Variants in FILIP1 observed in about 807,000 individuals in gnomAD.
The protein encoded by FILIP1 is filamin-A-interacting protein 1.
In FILIP1, 61 loss-of-function variants were observed where a neutral mutation model predicts 102.1. The ratio of observed to expected loss-of-function variants is 0.60; its 90% CI spans 0.49 to 0.74. The LOEUF is 0.74. FILIP1 is among the 30% of genes least tolerant of loss of function. FILIP1 has a pLI of 0.00. For synonymous variants in FILIP1, 491 were observed against 526.9 expected (o/e 0.93, Z 0.93); for missense variants, 1,314 against 1,441.2 (o/e 0.91, Z 1.43).
intron 1 of FILIP1, among the ~76,000 whole-genome samples, chr6:75,433,499 C>T (rs1777899131): frequency 6.6e-6 from 1 of 152,088 alleles, no homozygotes; most frequent in Non-Finnish European, 1.5e-5. Context: ...CTGTTCATAT[C>T]CTTTGCCCAC....
intron 2 of FILIP1, among the ~76,000 whole-genome samples, chr6:75,392,799 G>C (rs918367351): frequency 1.3e-5 from 2 of 152,114 alleles, no homozygotes; most frequent in African/African-American, 4.8e-5. Flanking sequence ...TCATGATAGT[G>C]AATGGGTCTC....
chr6:75,345,524 C>A (rs117270309), intron 4 of FILIP1, among the ~76,000 whole-genome samples: 1 of 151,668 alleles, frequency 6.6e-6, no homozygotes, highest in Admixed American at 6.6e-5. Context: ...GCCAGCCTCA[C>A]GTACAGTAAG....
At chr6:75,334,044 A>C (rs1774162836) in intron 4 of FILIP1, among the ~76,000 whole-genome samples, 1 of 152,104 alleles carries the variant, frequency 6.6e-6, no homozygotes, top group African/African-American at 2.4e-5. Context: ...ATGCAAAGAG[A>C]GAGCTGCAGA....
chr6:75,478,476 G>T (rs1779552610), intron 1 of FILIP1, among the ~76,000 whole-genome samples: 3 of 152,180 alleles, frequency 2.0e-5, no homozygotes, highest in Admixed American at 2.0e-4. Context: ...GTGAGCATCA[G>T]CCTCTCTCCA....
At chr6:75,430,315 G>A (rs960715991) in intron 1 of FILIP1, among the ~76,000 whole-genome samples, 10 of 152,120 alleles carry the variant, frequency 6.6e-5, no homozygotes, top group Non-Finnish European at 1.3e-4. Context: ...CTTTATAGCA[G>A]TGTGAGAAAA....
intron 2 of FILIP1, among the ~76,000 whole-genome samples, chr6:75,390,589 A>T (rs1257300921): frequency 1.3e-5 from 2 of 152,106 alleles, no homozygotes; most frequent in Non-Finnish European, 2.9e-5. Flanking sequence ...TTTTTAAATG[A>T]CCAGATCTCA....
At chr6:75,324,547 T>A (rs4340970) in intron 4 of FILIP1, among the ~76,000 whole-genome samples, 3 of 152,118 alleles carry the variant, frequency 2.0e-5, no homozygotes, top group African/African-American at 4.8e-5. Flanking sequence ...GCATTTCCCA[T>A]CAAAATGTCA....
rs1023284978 is a variant in FILIP1, at chr6:75,354,941, A to G, written c.451-1224T>C. 2.5e-4 allele frequency among the ~76,000 whole-genome samples: 38 copies of G among 152,314 alleles called. No homozygotes were observed. The South Asian group carries it at 3.5e-3, about 14-fold the overall frequency. ...TCCTCTTTTTTTCAAGAGATGCTAA[A>G]TATAGGGAGGATTTCAGAACTTGTA... On this transcript the variant is annotated intron_variant, in intron 3 of 5. Coordinates refer to ENST00000237172, the MANE Select transcript of FILIP1 (RefSeq NM_015687.5).
At chr6:75,468,369 T>C (rs1364270784) in intron 1 of FILIP1, among the ~76,000 whole-genome samples, 1 of 152,212 alleles carries the variant, frequency 6.6e-6, no homozygotes, top group Non-Finnish European at 1.5e-5. Flanking sequence ...ATTAATAATG[T>C]CAGAAAAGGA....
chr6:75,307,340 G>T (rs1773018394), downstream of FILIP1, among the ~76,000 whole-genome samples: 1 of 152,094 alleles, frequency 6.6e-6, no homozygotes, highest in South Asian at 2.1e-4. Flanking sequence ...TTTTTTTAAA[G>T]AAGTATGCTT....
At chr6:75,297,764 T>C (rs1478811826) in intron 6 of FILIP1, among the ~76,000 whole-genome samples, 2 of 152,128 alleles carry the variant, frequency 1.3e-5, no homozygotes, top group African/African-American at 4.8e-5. Context: ...AAGACCCAAG[T>C]CTCAAATCTC....
chr6:75,377,198 T>C (rs539047698), intron 2 of FILIP1, among the ~76,000 whole-genome samples: 2 of 152,170 alleles, frequency 1.3e-5, no homozygotes, highest in Non-Finnish European at 2.9e-5. Flanking sequence ...ATATTCCCAT[T>C]GAGTTCCTAC....
chr6:75,344,910 T>G (rs4498313), intron 4 of FILIP1, among the ~76,000 whole-genome samples: 1 of 152,078 alleles, frequency 6.6e-6, no homozygotes, highest in African/African-American at 2.4e-5. Context: ...CAGAGCAAGA[T>G]GCCAACTCTA....
chr6:75,383,754 CA>C (rs1210923473), intron 2 of FILIP1, among the ~76,000 whole-genome samples: 1 of 152,166 alleles, frequency 6.6e-6, no homozygotes, highest in Non-Finnish European at 1.5e-5. Context: ...ATAACCTTAT[CA>C]GATAGACACT....
At chr6:75,318,346 C>T (rs575964228) in intron 4 of FILIP1, among the ~76,000 whole-genome samples, 15 of 148,792 alleles carry the variant, frequency 1.0e-4, no homozygotes, top group East Asian at 6.1e-4. Context: ...AACTATCCTT[C>T]GACCTCAGCC....
At chr6:75,307,965 A>G, downstream of FILIP1, 5 of 861,912 alleles carry the variant, frequency 5.8e-6, no homozygotes, top group Non-Finnish European at 7.0e-6. Context: ...ACTTGAATAG[A>G]GCACGAGTCT....
intron 4 of FILIP1, among the ~76,000 whole-genome samples, chr6:75,338,233 G>T (rs1774306707): frequency 6.6e-6 from 1 of 152,212 alleles, no homozygotes; most frequent in South Asian, 2.1e-4. Flanking sequence ...TTGACCTCTT[G>T]TTTGCAGTTA....
intron 2 of FILIP1, among the ~76,000 whole-genome samples, chr6:75,368,037 T>C (rs1265568562): frequency 6.6e-6 from 1 of 152,222 alleles, no homozygotes; most frequent in Non-Finnish European, 1.5e-5. Context: ...TATGTTCAAC[T>C]TATTTACTCC....
chr6:75,361,109 CT>C (rs1423234216), intron 3 of FILIP1, among the ~76,000 whole-genome samples: 1 of 152,186 alleles, frequency 6.6e-6, no homozygotes, highest in Non-Finnish European at 1.5e-5. Context: ...GGAAATGACT[CT>C]TCAGATTGTT....
Sources: gnomAD v4.1 joint callset for allele counts (sites outside exome capture counted in the v4.1 genomes callset) on GRCh38, gnomAD v4.1.1 for gene constraint, MANE v1.5 for transcripts, NCBI Gene and HGNC (gene_info 2026-07-23, HGNC 2026-07-21) for gene names.